Variants in PDE4B observed in about 807,000 individuals in gnomAD.
PDE4B encodes the protein phosphodiesterase 4B.
PDE4B carries 20 observed loss-of-function variants against 82.2 expected under a neutral mutation model. The ratio of observed to expected loss-of-function variants is 0.24; its 90% CI spans 0.17 to 0.35. The LOEUF (loss-of-function observed/expected upper bound fraction) is 0.35, where lower values mean the gene tolerates loss of function less well. Ranked by LOEUF, PDE4B falls within the 10% of genes least tolerant of loss-of-function variation. The probability of loss-of-function intolerance (pLI) is 1.00; values close to 1 mark genes in which losing one functional copy is unlikely to be tolerated. For missense variants in PDE4B, 655 were observed against 907.2 expected, an observed-to-expected ratio of 0.72 and a Z score of 3.57; for synonymous variants, 320 against 318.9, an observed-to-expected ratio of 1.00 and a Z score of -0.04.
At chr1:66,363,693 C>A in intron 12 of PDE4B, 122 bp downstream of exon 12, 1 of 742,680 alleles carries the variant, frequency 1.3e-6, no homozygotes, top group Non-Finnish European at 2.1e-6. Flanking sequence ...GGGAGGATTG[C>A]TTGAGCCCAG....
chr1:66,341,750 C>G (rs932387666), intron 8 of PDE4B, among the ~76,000 whole-genome samples: 3 of 152,126 alleles, frequency 2.0e-5, no homozygotes, highest in South Asian at 4.1e-4. Flanking sequence ...GATTGTTAAG[C>G]CTTGGGTTCT....
intron 9 of PDE4B, 58 bp downstream of exon 9, chr1:66,355,678 T>C (rs935950947): frequency 3.0e-6 from 3 of 999,980 alleles, no homozygotes; most frequent in Non-Finnish European, 4.7e-6. Flanking sequence ...AATTAATTTC[T>C]ACAACCTATC....
chr1:66,176,700 C>A (rs1213068519), intron 3 of PDE4B, among the ~76,000 whole-genome samples: 1 of 152,184 alleles, frequency 6.6e-6, no homozygotes, highest in African/African-American at 2.4e-5. Flanking sequence ...TAATGTACTT[C>A]ACATAAAATA....
At chr1:66,093,118 G>A (rs2100997967) in intron 3 of PDE4B, among the ~76,000 whole-genome samples, 1 of 152,096 alleles carries the variant, frequency 6.6e-6, no homozygotes, top group South Asian at 2.1e-4. Context: ...CATGAATAGG[G>A]CATTCGGACA....
chr1:66,123,143 T>G (rs778374869), intron 3 of PDE4B, among the ~76,000 whole-genome samples: 1 of 152,212 alleles, frequency 6.6e-6, no homozygotes, highest in Non-Finnish European at 1.5e-5. Context: ...TAAGCATATT[T>G]TACTTGAAAT....
chr1:66,154,011 C>T (rs1271452339), intron 3 of PDE4B, among the ~76,000 whole-genome samples: 2 of 152,114 alleles, frequency 1.3e-5, no homozygotes, highest in Non-Finnish European at 2.9e-5. Flanking sequence ...TTACTAAATG[C>T]CTACATTAAC....
intron 7 of PDE4B, among the ~76,000 whole-genome samples, chr1:66,272,782 T>G (rs1364422600): frequency 7.6e-6 from 1 of 131,996 alleles, no homozygotes; most frequent in African/African-American, 2.8e-5. Flanking sequence ...TAGAATTCTT[T>G]TTTTTTTTTT....
intron 3 of PDE4B, among the ~76,000 whole-genome samples, chr1:66,022,367 G>T (rs957603113): frequency 3.3e-5 from 5 of 152,172 alleles, no homozygotes; most frequent in African/African-American, 1.2e-4. Context: ...GTGAGAGAGG[G>T]CATCCCTGTC....
chr1:66,075,265 G>C (rs1048042906), intron 3 of PDE4B, among the ~76,000 whole-genome samples: 1 of 151,876 alleles, frequency 6.6e-6, no homozygotes, highest in Non-Finnish European at 1.5e-5. Flanking sequence ...CCCAATTTTG[G>C]GGTTCACCTG....
At chr1:66,235,120 T>C (rs1180485076) in intron 3 of PDE4B, among the ~76,000 whole-genome samples, 1 of 152,198 alleles carries the variant, frequency 6.6e-6, no homozygotes, top group African/African-American at 2.4e-5. Flanking sequence ...AGACAAACTT[T>C]GTATGACTTC....
At chr1:66,269,982 C>G (rs1455725627) in intron 7 of PDE4B, among the ~76,000 whole-genome samples, 1 of 152,126 alleles carries the variant, frequency 6.6e-6, no homozygotes, top group African/African-American at 2.4e-5. Context: ...AGTAAATTTA[C>G]TGAGCAGGAA....
chr1:65,973,916 A>C (rs1175941659), intron 3 of PDE4B, among the ~76,000 whole-genome samples: 1 of 151,984 alleles, frequency 6.6e-6, no homozygotes, highest in East Asian at 1.9e-4. Flanking sequence ...GGGTTCAAAC[A>C]ATTCCCCTGC....
intron 1 of PDE4B, among the ~76,000 whole-genome samples, chr1:65,844,254 A>G (rs970126381): frequency 2.6e-5 from 4 of 152,222 alleles, no homozygotes; most frequent in African/African-American, 9.6e-5. Flanking sequence ...TGGGTGCTGT[A>G]CTGGATAACA....
chr1:66,256,740 C>A (rs577758397), intron 4 of PDE4B, among the ~76,000 whole-genome samples: 9 of 152,162 alleles, frequency 5.9e-5, no homozygotes, highest in Admixed American at 5.9e-4. Flanking sequence ...AAAGAAGGTG[C>A]CATATTTGTG....
chr1:66,276,383 A>G (rs181046561), intron 7 of PDE4B, among the ~76,000 whole-genome samples: 8 of 152,346 alleles, frequency 5.3e-5, no homozygotes, highest in African/African-American at 1.2e-4. Context: ...TTGAAAACCC[A>G]TGCTCTTTCC....
chr1:66,298,614 AG>A (rs1319938704), intron 7 of PDE4B, among the ~76,000 whole-genome samples: 1 of 152,186 alleles, frequency 6.6e-6, no homozygotes, highest in African/African-American at 2.4e-5. Flanking sequence ...AAGACTTCAA[AG>A]CTTGTGTTCT....
At position 65,822,528 on chromosome 1, in the gene PDE4B, T is replaced by C. The variant is rs185992322; in HGVS notation, c.-71+29280T>C. 2.6e-3 allele frequency among the ~76,000 whole-genome samples: 400 copies of C among 152,294 alleles called. 1 individual carries two copies. The highest frequency in any genetic ancestry group is 8.7e-3 in the African/African-American group (363 of 41,572). Reference sequence around the variant, plus strand: ...CTGCCTGCTATGGTTTGAATGTATGTGTCCCTCCAAAATTTGCATGTTAGA... The same window carrying C: ...CTGCCTGCTATGGTTTGAATGTATGCGTCCCTCCAAAATTTGCATGTTAGA... On this transcript the variant is annotated intron_variant, in intron 1 of 16. Coordinates refer to ENST00000341517, the MANE Select transcript of PDE4B (RefSeq NM_002600.4).
chr1:66,239,313 C>A (rs189314459), intron 3 of PDE4B, among the ~76,000 whole-genome samples: 1 of 152,238 alleles, frequency 6.6e-6, no homozygotes, highest in African/African-American at 2.4e-5. Flanking sequence ...AAGCCACCCC[C>A]CTCCCTGGCC....
chr1:66,042,049 A>G (rs893112027), intron 3 of PDE4B, among the ~76,000 whole-genome samples: 1 of 151,936 alleles, frequency 6.6e-6, no homozygotes, highest in Non-Finnish European at 1.5e-5. Context: ...AAGTTTAAAG[A>G]TATATTTAAT....
Sources: gnomAD v4.1 joint callset for allele counts (sites outside exome capture counted in the v4.1 genomes callset) on GRCh38, gnomAD v4.1.1 for gene constraint, MANE v1.5 for transcripts, NCBI Gene and HGNC (gene_info 2026-07-23, HGNC 2026-07-21) for gene names.